The following FAM222B variants were observed in gnomAD, a reference collection of about 807,000 sequenced individuals.
FAM222B encodes the protein family with sequence similarity 222 member B, also known as protein FAM222B.
A neutral mutation model predicts 38.0 loss-of-function variants in FAM222B; 12 were observed. The ratio of observed to expected loss-of-function variants is 0.32; its 90% CI spans 0.20 to 0.51. The LOEUF is 0.51. Among genes scored for constraint, FAM222B ranks in the 20% least tolerant of loss-of-function variants. The probability of loss-of-function intolerance (pLI) is 0.97; values close to 1 mark genes in which losing one functional copy is unlikely to be tolerated. For synonymous variants in FAM222B, 329 were observed against 317.2 expected (o/e 1.04, Z -0.40); for missense variants, 716 against 754.2 (o/e 0.95, Z 0.59).
chr17:28,778,448 G>A (rs1361558447), intron 1 of FAM222B, among the ~76,000 whole-genome samples: 3 of 150,728 alleles, frequency 2.0e-5, no homozygotes, highest in South Asian at 4.2e-4. Context: ...ATGGCTGCAG[G>A]CTTCTGTGTT....
chr17:28,770,152 C>T (rs2035554328), intron 1 of FAM222B, among the ~76,000 whole-genome samples: 1 of 152,152 alleles, frequency 6.6e-6, no homozygotes, highest in African/African-American at 2.4e-5. Flanking sequence ...TCTCTCCACC[C>T]CACTAGGATA....
chr17:28,793,903 G>A (rs1407254098), intron 1 of FAM222B, among the ~76,000 whole-genome samples: 3 of 151,738 alleles, frequency 2.0e-5, no homozygotes, highest in African/African-American at 4.8e-5. Context: ...GCACCACCAC[G>A]CCAGGCTAAT....
Position 28,796,681 on chromosome 17 carries a change from C to T in FAM222B, c.-40-29974G>A, listed in dbSNP as rs563795570. On this transcript the variant is annotated intron_variant, in intron 1 of 2. Coordinates refer to ENST00000581407, the MANE Select transcript of FAM222B (RefSeq NM_001077498.3). ...ATCCTGGAAAAATCTTATTTTTCAA[C>T]AGGCAAATGGCATTGTTGATCTACT... Among the ~76,000 whole-genome samples, 14 of 151,100 alleles carry T rather than the reference C, an allele frequency of 9.3e-5. No homozygotes were observed. In the East Asian group the frequency reaches 2.5e-3, roughly 27 times the overall value.
intron 1 of FAM222B, among the ~76,000 whole-genome samples, chr17:28,827,752 A>C (rs2038493853): frequency 6.6e-6 from 1 of 152,190 alleles, no homozygotes; most frequent in Non-Finnish European, 1.5e-5. Flanking sequence ...AATATAATAA[A>C]GTGAGGAAGG....
intron 1 of FAM222B, among the ~76,000 whole-genome samples, chr17:28,828,870 T>G (rs1378352085): frequency 1.3e-5 from 2 of 151,878 alleles, no homozygotes; most frequent in Admixed American, 1.3e-4. Flanking sequence ...CCCAAAAAAT[T>G]TCCTCATACT....
At chr17:28,764,700 T>C (rs1460190847) in intron 2 of FAM222B, among the ~76,000 whole-genome samples, 2 of 151,672 alleles carry the variant, frequency 1.3e-5, no homozygotes, top group Non-Finnish European at 2.9e-5. Flanking sequence ...TGAGCCGAGA[T>C]CACGCCATTG....
chr17:28,797,337 G>A (rs1056487097), intron 1 of FAM222B, among the ~76,000 whole-genome samples: 1 of 152,048 alleles, frequency 6.6e-6, no homozygotes, highest in Non-Finnish European at 1.5e-5. Context: ...GATCTCAAAT[G>A]AGCATGTCAT....
upstream of FAM222B, among the ~76,000 whole-genome samples, chr17:28,846,586 T>C (rs946755277): frequency 6.6e-6 from 1 of 151,748 alleles, no homozygotes; most frequent in Non-Finnish European, 1.5e-5. Context: ...CGAGGATTGC[T>C]TGGGTCTGGG....
At chr17:28,821,682 G>A (rs768156492) in intron 1 of FAM222B, among the ~76,000 whole-genome samples, 2 of 152,092 alleles carry the variant, frequency 1.3e-5, no homozygotes, top group African/African-American at 2.4e-5. Flanking sequence ...GTACAGGGCC[G>A]GGTGAGAGGT....
chr17:28,822,421 C>T (rs1241775854), intron 1 of FAM222B, among the ~76,000 whole-genome samples: 2 of 149,452 alleles, frequency 1.3e-5, no homozygotes, highest in Admixed American at 6.7e-5. Context: ...GTCAGAAGTT[C>T]AAGACCAGCC....
intron 1 of FAM222B, among the ~76,000 whole-genome samples, chr17:28,769,776 G>T (rs1020345291): frequency 1.3e-5 from 2 of 152,040 alleles, no homozygotes; most frequent in African/African-American, 2.4e-5. Flanking sequence ...AGCCACCATG[G>T]TCTCACCATG....
intron 1 of FAM222B, among the ~76,000 whole-genome samples, chr17:28,791,675 A>ATTTTTTTTTTTTTTT (rs869183871): frequency 8.6e-6 from 1 of 116,850 alleles, no homozygotes; most frequent in Non-Finnish European, 1.7e-5. Context: ...GAGCCCAGGA[A>ATTTTTTTTTTTTTTT]TTTTTTTTTT....
At chr17:28,773,537 G>A (rs1367259300) in intron 1 of FAM222B, among the ~76,000 whole-genome samples, 3 of 143,964 alleles carry the variant, frequency 2.1e-5, no homozygotes, top group South Asian at 4.6e-4. Flanking sequence ...ATTGGCTCAC[G>A]CCTGTAATCC....
intron 1 of FAM222B, among the ~76,000 whole-genome samples, chr17:28,776,709 T>C (rs1359643677): frequency 2.6e-5 from 4 of 152,114 alleles, no homozygotes; most frequent in Non-Finnish European, 5.9e-5. Context: ...TGGCCTCAAG[T>C]GGCCTCCCAA....
chr17:28,773,479 CAA>C (rs66716142), intron 1 of FAM222B, among the ~76,000 whole-genome samples: 11 of 60,782 alleles, frequency 1.8e-4, no homozygotes, highest in African/African-American at 7.2e-4. Context: ...AACTCTGTCT[CAA>C]AAAAAAAAAA....
intron 1 of FAM222B, among the ~76,000 whole-genome samples, chr17:28,794,250 G>A (rs2036836363): frequency 1.4e-5 from 2 of 145,836 alleles, no homozygotes; most frequent in Non-Finnish European, 3.0e-5. Flanking sequence ...ACAGAGTCTT[G>A]CTCTGTCACC....
chr17:28,763,586 A>C (rs1456583172), intron 2 of FAM222B, among the ~76,000 whole-genome samples: 2 of 152,264 alleles, frequency 1.3e-5, no homozygotes, highest in Non-Finnish European at 2.9e-5. Flanking sequence ...AGGCAACAGG[A>C]ACCTCTATCT....
At chr17:28,830,957 T>TATCA (rs1305919199) in intron 1 of FAM222B, among the ~76,000 whole-genome samples, 1 of 151,526 alleles carries the variant, frequency 6.6e-6, no homozygotes, top group African/African-American at 2.4e-5. Flanking sequence ...CTCGGTCAAA[T>TATCA]ATCAATAGCC....
intron 1 of FAM222B, among the ~76,000 whole-genome samples, chr17:28,828,563 G>T (rs1255192062): frequency 7.1e-6 from 1 of 141,458 alleles, no homozygotes; most frequent in East Asian, 2.0e-4. Flanking sequence ...AGAAGACTCT[G>T]TCACGAAAAA....
Sources: gnomAD v4.1 joint callset for allele counts (sites outside exome capture counted in the v4.1 genomes callset) on GRCh38, gnomAD v4.1.1 for gene constraint, MANE v1.5 for transcripts, NCBI Gene and HGNC (gene_info 2026-07-23, HGNC 2026-07-21) for gene names.